DNM3: variants seen among roughly 807,000 people sequenced by gnomAD.
The protein encoded by DNM3 is dynamin 3, also known as dynamin-3.
DNM3 carries 47 observed loss-of-function variants against 101.6 expected under a neutral mutation model. The ratio of observed to expected loss-of-function variants is 0.46; its 90% CI spans 0.37 to 0.59. The LOEUF is 0.59. Ranked by LOEUF, DNM3 falls within the 20% of genes least tolerant of loss-of-function variation. The pLI is 0.00. For missense variants in DNM3, 849 were observed against 1,085.7 expected, an observed-to-expected ratio of 0.78 and a Z score of 3.06; for synonymous variants, 385 against 387.9, an observed-to-expected ratio of 0.99 and a Z score of 0.09.
intron 4 of DNM3, among the ~76,000 whole-genome samples, chr1:171,995,100 T>G (rs2045909100): frequency 7.3e-6 from 1 of 136,458 alleles, no homozygotes; most frequent in Non-Finnish European, 1.5e-5. Context: ...ATCCAGGTTT[T>G]TTTTTTTTTT....
chr1:172,005,158 G>T (rs1187784670), intron 4 of DNM3, among the ~76,000 whole-genome samples: 2 of 151,968 alleles, frequency 1.3e-5, no homozygotes, highest in Non-Finnish European at 2.9e-5. Context: ...TAATTTCTCT[G>T]TGTCTCAGTT....
intron 15 of DNM3, among the ~76,000 whole-genome samples, chr1:172,273,924 G>A (rs1462946123): frequency 6.6e-6 from 1 of 152,044 alleles, no homozygotes; most frequent in Non-Finnish European, 1.5e-5. Context: ...TGATTCAGTG[G>A]TGTCACATCA....
intron 1 of DNM3, among the ~76,000 whole-genome samples, chr1:171,911,412 C>G (rs2039292663): frequency 6.6e-6 from 1 of 151,804 alleles, no homozygotes; most frequent in Admixed American, 6.6e-5. Context: ...TCCTGAATAG[C>G]TGGGATATTA....
At position 171,885,387 on chromosome 1, in the gene DNM3, A is replaced by G. The variant is rs538695270; in HGVS notation, c.162-36361A>G. Among the ~76,000 whole-genome samples the G allele has an allele frequency of 6.6e-5, 10 of 152,302 alleles. No individual in the cohort carries two copies. In the East Asian group the frequency reaches 1.9e-3, roughly 29 times the overall value. The stretch of plus-strand genomic sequence containing the variant: ...TGTACTTTTATTTTTCTTTCAAAGA[A>G]TGTTCCTCATGTTAATTTAATCTGG... On this transcript the variant is annotated intron_variant, in intron 1 of 20. Coordinates refer to ENST00000627582, the MANE Select transcript of DNM3 (RefSeq NM_015569.5).
intron 15 of DNM3, among the ~76,000 whole-genome samples, chr1:172,299,182 C>T (rs905534275): frequency 3.3e-5 from 5 of 152,070 alleles, no homozygotes; most frequent in Admixed American, 6.6e-5. Flanking sequence ...ATCTGACACA[C>T]GAGGAACTAA....
chr1:172,302,833 A>G (rs1326752073), intron 15 of DNM3, among the ~76,000 whole-genome samples: 4 of 152,224 alleles, frequency 2.6e-5, no homozygotes, highest in African/African-American at 9.6e-5. Flanking sequence ...AATAGCATCA[A>G]CATCAACAAA....
intron 15 of DNM3, among the ~76,000 whole-genome samples, chr1:172,258,680 A>C (rs573391411): frequency 6.6e-6 from 1 of 151,980 alleles, no homozygotes; most frequent in Non-Finnish European, 1.5e-5. Flanking sequence ...GATTTTATTT[A>C]TCTTTTTAAA....
In DNM3 at chr1:172,409,252, G is replaced by A. The variant is rs1036762921; in HGVS notation, c.*1411G>A. 11 of 985,256 alleles carry A rather than the reference G, an allele frequency of 1.1e-5. No homozygotes were observed. The highest frequency in any genetic ancestry group is 1.2e-5 in the Non-Finnish European group (10 of 829,902). 61.0% of individuals were successfully genotyped at this position (985,256 alleles called of 1,614,324 possible). On this transcript the variant is annotated 3_prime_UTR_variant, in exon 21 of 21. Coordinates refer to ENST00000627582, the MANE Select transcript of DNM3 (RefSeq NM_015569.5). The stretch of plus-strand genomic sequence containing the variant: ...TGACACTATTTCATATTCTACAGAA[G>A]TAAATCAGGTTTCACCAACTGAAAT...
intron 10 of DNM3, among the ~76,000 whole-genome samples, chr1:172,062,382 T>C (rs1241816085): frequency 6.6e-6 from 1 of 152,164 alleles, no homozygotes; most frequent in African/African-American, 2.4e-5. Context: ...TCACTCAAGG[T>C]TGGACTTTTT....
At chr1:172,014,720 A>G (rs1049238154) in intron 4 of DNM3, among the ~76,000 whole-genome samples, 2 of 151,820 alleles carry the variant, frequency 1.3e-5, no homozygotes, top group Non-Finnish European at 2.9e-5. Context: ...TTCTTTTGCA[A>G]TTGTTTTCTT....
At chr1:172,035,613 C>T (rs2048900811) in intron 6 of DNM3, among the ~76,000 whole-genome samples, 2 of 152,138 alleles carry the variant, frequency 1.3e-5, no homozygotes, top group Non-Finnish European at 2.9e-5. Flanking sequence ...TTGCTTTGCT[C>T]TGGAGATGTC....
intron 15 of DNM3, among the ~76,000 whole-genome samples, chr1:172,270,283 C>A (rs2063035905): frequency 6.7e-6 from 1 of 149,734 alleles, no homozygotes; most frequent in African/African-American, 2.5e-5. Context: ...AGCCTTTAAG[C>A]CAAACAGCAC....
intron 15 of DNM3, among the ~76,000 whole-genome samples, chr1:172,278,143 C>G (rs1243259453): frequency 6.6e-6 from 1 of 152,076 alleles, no homozygotes; most frequent in Admixed American, 6.6e-5. Context: ...ACAAGAGAAT[C>G]AAAATGACAA....
At chr1:172,253,753 T>G (rs1046521768) in intron 15 of DNM3, 71 bp downstream of exon 15, 6 of 967,364 alleles carry the variant, frequency 6.2e-6, no homozygotes, top group African/African-American at 1.7e-5. Flanking sequence ...GAGATCATAT[T>G]TGAAAATAGT....
intron 17 of DNM3, among the ~76,000 whole-genome samples, chr1:172,359,246 C>T (rs2067614236): frequency 1.3e-5 from 2 of 151,864 alleles, no homozygotes; most frequent in African/African-American, 4.8e-5. Context: ...CCGCATAGAC[C>T]AGCCAGCCGT....
At chr1:171,961,228 T>G (rs1211401002) in intron 2 of DNM3, among the ~76,000 whole-genome samples, 2 of 152,042 alleles carry the variant, frequency 1.3e-5, no homozygotes. Flanking sequence ...GGTGAGACAA[T>G]GAGCTCATGA....
intron 9 of DNM3, among the ~76,000 whole-genome samples, chr1:172,045,880 A>C (rs374730370): frequency 8.1e-4 from 123 of 152,314 alleles, no homozygotes; most frequent in African/African-American, 2.9e-3. Flanking sequence ...CTGAGTTTGC[A>C]TGTGATGGGT....
At chr1:172,206,308 C>T (rs1232761258) in intron 14 of DNM3, among the ~76,000 whole-genome samples, 1 of 152,020 alleles carries the variant, frequency 6.6e-6, no homozygotes, top group African/African-American at 2.4e-5. Context: ...GTGATTCTTT[C>T]AAGTAAATAT....
At chr1:172,028,307 C>T (rs1484893712) in intron 4 of DNM3, among the ~76,000 whole-genome samples, 1 of 152,184 alleles carries the variant, frequency 6.6e-6, no homozygotes, top group Non-Finnish European at 1.5e-5. Flanking sequence ...CAACCTGCTC[C>T]TGAATGACTA....
Sources: allele counts gnomAD v4.1 joint callset (sites outside exome capture counted in the v4.1 genomes callset), GRCh38; gene constraint gnomAD v4.1.1; transcripts MANE v1.5; gene names NCBI Gene and HGNC (gene_info 2026-07-23, HGNC 2026-07-21).